The following MS4A14 variants were observed in gnomAD, a reference collection of about 807,000 sequenced individuals.
MS4A14 encodes the protein membrane-spanning 4-domains subfamily A member 14.
In MS4A14, 18 loss-of-function variants were observed where a neutral mutation model predicts 16.7. That is an observed-to-expected ratio of 1.08 (90% CI 0.75 to 1.60). The LOEUF is 1.60. Ranked by LOEUF, MS4A14 falls within the 40% of genes most tolerant of loss-of-function variation. The pLI, the probability that MS4A14 is intolerant of heterozygous loss-of-function variation, is 0.00. For synonymous variants in MS4A14, 305 were observed against 289.4 expected (o/e 1.05, Z -0.55); for missense variants, 812 against 775.3 (o/e 1.05, Z -0.56).
At chr11:60,398,170 A>C in intron 2 of MS4A14, 190 bp downstream of exon 2, 2 of 494,830 alleles carry the variant, frequency 4.0e-6, no homozygotes, top group Non-Finnish European at 7.0e-6. Context: ...AACTACTCTC[A>C]GGTGCTTAAA....
chr11:60,403,452 A>G (rs2085744134), intron 4 of MS4A14, among the ~76,000 whole-genome samples: 1 of 152,202 alleles, frequency 6.6e-6, no homozygotes, highest in Non-Finnish European at 1.5e-5. Context: ...ATTAAATTTT[A>G]CTGTTTCAGC....
intron 4 of MS4A14, among the ~76,000 whole-genome samples, chr11:60,411,462 G>A (rs1244981826): frequency 3.3e-5 from 5 of 152,098 alleles, no homozygotes; most frequent in Non-Finnish European, 5.9e-5. Context: ...ATATTTTTTA[G>A]CATAGAGGTC....
chr11:60,396,752 G>A (rs996452721), intron 1 of MS4A14, 36 bp downstream of exon 1: 1 of 1,594,414 alleles, frequency 6.3e-7, no homozygotes, highest in South Asian at 1.1e-5. Context: ...TTCCAGAAGG[G>A]GAGAAAAGAA....
intron 4 of MS4A14, among the ~76,000 whole-genome samples, chr11:60,405,330 T>C (rs1394003366): frequency 6.6e-6 from 1 of 152,152 alleles, no homozygotes; most frequent in African/African-American, 2.4e-5. Flanking sequence ...CCTCCTGCCT[T>C]GGCCTCCCAA....
chr11:60,397,474 T>C (rs2085643628), intron 1 of MS4A14, among the ~76,000 whole-genome samples: 1 of 152,100 alleles, frequency 6.6e-6, no homozygotes, highest in African/African-American at 2.4e-5. Flanking sequence ...AATAATAGGA[T>C]ACTGGTGAGA....
At chr11:60,405,051 T>A (rs1195145455) in intron 4 of MS4A14, among the ~76,000 whole-genome samples, 1 of 152,092 alleles carries the variant, frequency 6.6e-6, no homozygotes, top group East Asian at 1.9e-4. Flanking sequence ...CACAGTTATT[T>A]GTTCAAGGTT....
chr11:60,417,322 T>A lies in MS4A14; in HGVS notation c.*314T>A. 4.5e-6 allele frequency: 1 copy of A among 219,824 alleles called. No homozygotes were observed. The highest frequency in any genetic ancestry group is 5.2e-5 in the Admixed American group (1 of 19,410). The allele number at this position is 219,824 out of a possible 1,614,324, so 13.6% of individuals were successfully genotyped here. On this transcript the variant is annotated 3_prime_UTR_variant, in exon 5 of 5. Coordinates refer to ENST00000300187, the MANE Select transcript of MS4A14 (RefSeq NM_032597.5). ...CAGAAGACGTGAAGGCAGATTTTCATTCTTCTTCTGGCCAAAGCTCAGTAC... is the reference window on the plus strand; with the variant it reads ...CAGAAGACGTGAAGGCAGATTTTCAATCTTCTTCTGGCCAAAGCTCAGTAC...
chr11:60,398,212 A>C, intron 2 of MS4A14: 1 of 364,574 alleles, frequency 2.7e-6, no homozygotes, highest in South Asian at 3.3e-5. Context: ...GTGTATAGTA[A>C]GACATTTGCT....
intron 4 of MS4A14, among the ~76,000 whole-genome samples, chr11:60,410,835 TTTTTTTTGTTTG>T (rs1019740924): frequency 6.6e-6 from 1 of 151,996 alleles, no homozygotes; most frequent in African/African-American, 2.4e-5. Context: ...TTTTGGGTTT[TTTTTTTTGTTTG>T]TTTTTTGTTT....
Position 60,416,799 on chromosome 11 carries a change from G to A in MS4A14, c.1831G>A (p.Ala611Thr). 2 of 1,613,488 alleles carry A rather than the reference G, an allele frequency of 1.2e-6. No homozygotes were observed. The highest frequency in any genetic ancestry group is 1.1e-5 in the South Asian group (1 of 91,036). Reference protein sequence around the residue: ...TQDQQTEDQPAQEKKSPKGQF... With the variant: ...TQDQQTEDQPTQEKKSPKGQF... ...GGATCAGCAAACTGAAGACCAGCCG[G>A]CCCAAGAGAAGAAATCCCCGAAAGG... Residue 611 changes from alanine to threonine, a missense_variant, in exon 5 of 5, where the codon GCC becomes ACC. By Grantham distance (58) the Ala-to-Thr change is moderately conservative. Transcript: ENST00000300187.
intron 1 of MS4A14, 38 bp downstream of exon 1, chr11:60,396,754 A>G (rs1392821849): frequency 1.3e-6 from 2 of 1,591,398 alleles, no homozygotes; most frequent in African/African-American, 1.4e-5. Flanking sequence ...CCAGAAGGGG[A>G]GAAAAGAAGT....
chr11:60,411,263 C>T (rs1042322158), intron 4 of MS4A14, among the ~76,000 whole-genome samples: 2 of 152,140 alleles, frequency 1.3e-5, no homozygotes, highest in African/African-American at 4.8e-5. Context: ...TCTTAAAATT[C>T]AATATGAACT....
intron 2 of MS4A14, among the ~76,000 whole-genome samples, chr11:60,399,295 T>C (rs901260447): frequency 2.6e-5 from 4 of 152,208 alleles, no homozygotes; most frequent in African/African-American, 9.7e-5. Context: ...AGGCAAGTGC[T>C]TTCTGCGTAG....
chr11:60,411,185 A>T (rs1481482576), intron 4 of MS4A14, among the ~76,000 whole-genome samples: 1 of 152,186 alleles, frequency 6.6e-6, no homozygotes, highest in Non-Finnish European at 1.5e-5. Context: ...AGTACGTTTC[A>T]AAGTTGGAAA....
Position 60,403,007 on chromosome 11 carries a change from C to A in MS4A14, c.414C>A (p.Tyr138Ter). Residue 138 changes from tyrosine to a stop codon, truncating the protein, a stop_gained, in exon 4 of 5, where the codon TAC becomes TAA. Coordinates refer to ENST00000300187, the MANE Select transcript of MS4A14 (RefSeq NM_032597.5). LOFTEE classifies it high-confidence loss of function. The part of the protein sequence containing the change: ...TILSYRHQDK[Y>*]CQMPSFEEIC... ...TCAGCTACAGACATCAAGACAAGTA[C>A]TGCCAGATGCCATCCTTTGAAGAAA... 6.2e-7 allele frequency: 1 copy of A among 1,613,864 alleles called. No individual in the cohort carries two copies. Among genetic ancestry groups the A allele is most frequent in the Non-Finnish European group, 8.5e-7 (1 of 1,179,778 alleles).
At chr11:60,399,652 A>T (rs2085680883) in intron 2 of MS4A14, among the ~76,000 whole-genome samples, 1 of 152,202 alleles carries the variant, frequency 6.6e-6, no homozygotes, top group Non-Finnish European at 1.5e-5. Context: ...AAACACACAG[A>T]TGAGGAAAGA....
intron 4 of MS4A14, among the ~76,000 whole-genome samples, chr11:60,407,104 T>A (rs1233858830): frequency 7.0e-6 from 1 of 143,148 alleles, no homozygotes; most frequent in East Asian, 2.3e-4. Context: ...AGCCTCAATC[T>A]CCTGGACTCA....
At chr11:60,403,723 T>TA (rs2085748116) in intron 4 of MS4A14, among the ~76,000 whole-genome samples, 1 of 152,226 alleles carries the variant, frequency 6.6e-6, no homozygotes, top group African/African-American at 2.4e-5. Context: ...GTGACTCCAA[T>TA]AGGCCTTTCT....
rs1459910926 is a variant in MS4A14, at chr11:60,416,296, A to G, written c.1328A>G (p.Glu443Gly). The G allele has an allele frequency of 6.2e-7, 1 of 1,614,040 alleles. No individual in the cohort carries two copies. The highest frequency in any genetic ancestry group is 8.5e-7 in the Non-Finnish European group (1 of 1,179,962). Residue 443 changes from glutamate (E) to glycine (G), a missense_variant, in exon 5 of 5, where the codon GAA becomes GGA. Transcript: ENST00000300187. ...CAGCAGCCCCCAGATCTTCAACCAG[A>G]AAACACTGAACCTCAAAACCAGCAA... ...LLQQPPDLQP[E>G]NTEPQNQQIL...
Sources: gnomAD v4.1 joint callset for allele counts (sites outside exome capture counted in the v4.1 genomes callset) on GRCh38, gnomAD v4.1.1 for gene constraint, MANE v1.5 for transcripts, NCBI Gene and HGNC (gene_info 2026-07-23, HGNC 2026-07-21) for gene names.